STK32B: variants seen among roughly 807,000 people sequenced by gnomAD.
The protein encoded by STK32B is serine/threonine-protein kinase 32B.
A neutral mutation model predicts 52.6 loss-of-function variants in STK32B; 43 were observed. That is an observed-to-expected ratio of 0.82 (90% confidence interval 0.64 to 1.05). The LOEUF (loss-of-function observed/expected upper bound fraction) is 1.05, where lower values mean the gene tolerates loss of function less well. Among genes scored for constraint, STK32B ranks in the 50% least tolerant of loss-of-function variants. The probability of loss-of-function intolerance (pLI) is 0.00; values close to 1 mark genes in which losing one functional copy is unlikely to be tolerated. For synonymous variants in STK32B, 238 were observed against 204.3 expected, an observed-to-expected ratio of 1.17 and a Z score of -1.41; for missense variants, 621 against 534.6, an observed-to-expected ratio of 1.16 and a Z score of -1.59.
At chr4:5,314,563 G>A (rs1052731731) in intron 3 of STK32B, among the ~76,000 whole-genome samples, 10 of 152,112 alleles carry the variant, frequency 6.6e-5, no homozygotes, top group Admixed American at 5.2e-4. Flanking sequence ...CCAGCTACTC[G>A]GGAGGCTGAG....
intron 6 of STK32B, among the ~76,000 whole-genome samples, chr4:5,441,109 G>A (rs1369406434): frequency 1.3e-5 from 2 of 149,568 alleles, no homozygotes; most frequent in East Asian, 2.0e-4. Context: ...TCAGGATGAT[G>A]CTGGCCTCAT....
At chr4:5,165,626 T>A (rs1425067309) in intron 2 of STK32B, among the ~76,000 whole-genome samples, 1 of 152,106 alleles carries the variant, frequency 6.6e-6, no homozygotes, top group Non-Finnish European at 1.5e-5. Flanking sequence ...ATTAGTGGGA[T>A]TATCCTCCCA....
chr4:5,166,907 A>G (rs1284660389), intron 2 of STK32B, among the ~76,000 whole-genome samples: 1 of 152,084 alleles, frequency 6.6e-6, no homozygotes, highest in Non-Finnish European at 1.5e-5. Flanking sequence ...ACTAGCTCAT[A>G]CAATCCTTGC....
At chr4:5,438,298 G>A (rs111634835) in intron 6 of STK32B, among the ~76,000 whole-genome samples, 62 of 152,294 alleles carry the variant, frequency 4.1e-4, no homozygotes, top group African/African-American at 1.1e-3. Context: ...GGTGGGATTC[G>A]GAATAGCACA....
intron 6 of STK32B, among the ~76,000 whole-genome samples, chr4:5,439,872 A>T (rs1051820927): frequency 6.6e-6 from 1 of 151,980 alleles, no homozygotes; most frequent in Non-Finnish European, 1.5e-5. Flanking sequence ...TCCTTTCCCC[A>T]TTGCTTGTTT....
At chr4:5,213,275 G>A (rs1354122130) in intron 3 of STK32B, among the ~76,000 whole-genome samples, 2 of 152,112 alleles carry the variant, frequency 1.3e-5, no homozygotes, top group Non-Finnish European at 2.9e-5. Flanking sequence ...CCTGTCCTGG[G>A]TTATGGTGGA....
intron 3 of STK32B, among the ~76,000 whole-genome samples, chr4:5,174,571 G>A (rs185017346): frequency 2.0e-5 from 3 of 152,262 alleles, no homozygotes; most frequent in Non-Finnish European, 4.4e-5. Context: ...AGCATAGTTT[G>A]GCGGGATATG....
At chr4:5,227,547 T>C (rs1423820726) in intron 3 of STK32B, among the ~76,000 whole-genome samples, 1 of 152,194 alleles carries the variant, frequency 6.6e-6, no homozygotes, top group African/African-American at 2.4e-5. Context: ...AAACTCAAAA[T>C]TTTATTGGCA....
At chr4:5,305,312 T>C (rs1361790141) in intron 3 of STK32B, among the ~76,000 whole-genome samples, 3 of 152,128 alleles carry the variant, frequency 2.0e-5, no homozygotes, top group South Asian at 2.1e-4. Context: ...TGTGAATTCA[T>C]TGGCCCTGCA....
chr4:5,111,087 G>A (rs1271547034), intron 1 of STK32B, among the ~76,000 whole-genome samples: 1 of 152,174 alleles, frequency 6.6e-6, no homozygotes, highest in East Asian at 1.9e-4. Flanking sequence ...CAGTCAGCAT[G>A]GCTTTTATTA....
intron 1 of STK32B, among the ~76,000 whole-genome samples, chr4:5,116,442 G>A (rs35139055): frequency 0.22 from 33,296 of 152,128 alleles, 4,322 homozygotes; most frequent in Admixed American, 0.33. Context: ...TACATCTGTG[G>A]AATAGCTCAA....
At chr4:5,141,833 G>C (rs1223062787) in intron 2 of STK32B, among the ~76,000 whole-genome samples, 1 of 152,158 alleles carries the variant, frequency 6.6e-6, no homozygotes, top group Non-Finnish European at 1.5e-5. Context: ...ACCTTCCTCA[G>C]TGGGATGAGA....
chr4:5,156,664 G>T (rs941067037), intron 2 of STK32B, among the ~76,000 whole-genome samples: 2 of 152,196 alleles, frequency 1.3e-5, no homozygotes, highest in African/African-American at 4.8e-5. Context: ...GGATTGGCAC[G>T]TGGGCCCTCT....
intron 1 of STK32B, among the ~76,000 whole-genome samples, chr4:5,059,191 C>T (rs1430412634): frequency 6.7e-6 from 1 of 149,468 alleles, no homozygotes; most frequent in East Asian, 2.0e-4. Flanking sequence ...GAGTGAGCTA[C>T]TGCTCTTTTG....
chr4:5,316,993 GATATA>G (rs1348002439), intron 3 of STK32B, among the ~76,000 whole-genome samples: 3 of 14,900 alleles, frequency 2.0e-4, no homozygotes, highest in East Asian at 3.9e-3. Flanking sequence ...TAATATATAT[GATATA>G]ATATATAATA....
At chr4:5,271,051 C>A (rs1727396049) in intron 3 of STK32B, among the ~76,000 whole-genome samples, 1 of 151,964 alleles carries the variant, frequency 6.6e-6, no homozygotes, top group South Asian at 2.1e-4. Flanking sequence ...AATTCTCCTG[C>A]CTCAGCCTCC....
At chr4:5,494,815 T>TATTTC (rs1334176118) in intron 11 of STK32B, among the ~76,000 whole-genome samples, 1 of 152,230 alleles carries the variant, frequency 6.6e-6, no homozygotes, top group Admixed American at 6.5e-5. Context: ...TAAAGTATTT[T>TATTTC]ATTTCTCCTT....
At chr4:5,123,100 C>T (rs1400917385) in intron 1 of STK32B, among the ~76,000 whole-genome samples, 2 of 152,136 alleles carry the variant, frequency 1.3e-5, no homozygotes, top group Non-Finnish European at 2.9e-5. Context: ...TTCCCCACCT[C>T]CCCACAGAGT....
chr4:5,290,289 T>A (rs1183703814), intron 3 of STK32B, among the ~76,000 whole-genome samples: 1 of 151,494 alleles, frequency 6.6e-6, no homozygotes, highest in Non-Finnish European at 1.5e-5. Context: ...TTAAATATTT[T>A]AAATTTTTTG....
Sources: gnomAD v4.1 joint callset for allele counts (sites outside exome capture counted in the v4.1 genomes callset) on GRCh38, gnomAD v4.1.1 for gene constraint, MANE v1.5 for transcripts, NCBI Gene and HGNC (gene_info 2026-07-23, HGNC 2026-07-21) for gene names.